The following ADAM32 variants were observed in gnomAD, a reference collection of about 807,000 sequenced individuals.
The protein encoded by ADAM32 is ADAM metallopeptidase domain 32, also known as disintegrin and metalloproteinase domain-containing protein 32.
Under a neutral mutation model 114.9 loss-of-function variants are expected in ADAM32, and 89 were observed. The observed-to-expected ratio is 0.77, with a 90% CI of 0.65 to 0.92. The LOEUF (loss-of-function observed/expected upper bound fraction) is 0.92. Ranked by LOEUF, ADAM32 falls within the 40% of genes least tolerant of loss-of-function variation. The pLI is 0.00. For missense variants in ADAM32, 870 were observed against 932.8 expected (o/e 0.93, Z 0.88); for synonymous variants, 285 against 307.5 (o/e 0.93, Z 0.77).
intron 22 of ADAM32, among the ~76,000 whole-genome samples, chr8:39,277,436 C>G (rs1369256145): frequency 6.6e-6 from 1 of 152,168 alleles, no homozygotes; most frequent in African/African-American, 2.4e-5. Flanking sequence ...TTGGAGTAAC[C>G]TTTAACTGGT....
At chr8:39,120,761 C>CA (rs748561734) in intron 2 of ADAM32, among the ~76,000 whole-genome samples, 34,685 of 99,300 alleles carry the variant, frequency 0.35, 6,395 homozygotes, top group East Asian at 0.62. Flanking sequence ...GACTCCGTCT[C>CA]AAAAAAAAAA....
intron 20 of ADAM32, 46 bp from the exon 21 acceptor site, chr8:39,274,266 G>T: frequency 6.2e-7 from 1 of 1,600,552 alleles, no homozygotes; most frequent in Non-Finnish European, 8.5e-7. Context: ...AAGTTGGCAA[G>T]TTTTCTTAGT....
At chr8:39,168,679 T>G (rs1805005370) in intron 9 of ADAM32, 1 of 152,220 alleles carries the variant, frequency 6.6e-6, no homozygotes, top group African/African-American at 2.4e-5. Flanking sequence ...GCTAGAGTTT[T>G]CTTTAGGATT....
At chr8:39,193,487 A>C (rs1265340246) in intron 11 of ADAM32, among the ~76,000 whole-genome samples, 1 of 152,092 alleles carries the variant, frequency 6.6e-6, no homozygotes, top group African/African-American at 2.4e-5. Flanking sequence ...TATATTCTGA[A>C]TTCTGTTTCT....
chr8:39,144,910 T>C lies in ADAM32; in HGVS notation c.201-2220T>C, dbSNP rs371810503. On this transcript the variant is annotated intron_variant, in intron 3 of 24. Coordinates refer to ENST00000379907, the MANE Select transcript of ADAM32 (RefSeq NM_145004.7). ...GACATGATCTTATATGTAGATTACT[T>C]ATAGAAGACCCTAAAGACTCCACCA... is the stretch of plus-strand genomic sequence containing the variant. 1.1e-4 allele frequency among the ~76,000 whole-genome samples: 17 copies of C among 152,280 alleles called. No individual in the cohort carries two copies. The East Asian group carries it at 2.9e-3, about 26-fold the overall frequency.
chr8:39,164,661 G>C (rs551211626), intron 7 of ADAM32, 103 bp from the exon 8 acceptor site: 1 of 823,942 alleles, frequency 1.2e-6, no homozygotes, highest in South Asian at 2.2e-5. Context: ...TTGAACTGTT[G>C]AAACCCAAAG....
At position 39,107,824 on chromosome 8, in the gene ADAM32, T is replaced by C. The variant is rs969701859; in HGVS notation, c.49T>C (p.Ser17Pro). ...GGCCGGGCTCTGCGGCCTCCTGGCGTCAAGACCCGGTGAGCCAGCCCAGAC... is the reference window on the plus strand; with the variant it reads ...GGCCGGGCTCTGCGGCCTCCTGGCGCCAAGACCCGGTGAGCCAGCCCAGAC... ...LLAGLCGLLASRPGFQNSLLQ... is the reference protein window; with the variant it reads ...LLAGLCGLLAPRPGFQNSLLQ... Residue 17 changes from serine to proline, a missense_variant, in exon 1 of 25, where the codon TCA (serine) becomes CCA (proline). Ser to Pro is a moderately conservative substitution (Grantham distance 74). Coordinates refer to ENST00000379907, the MANE Select transcript of ADAM32 (RefSeq NM_145004.7). 3 of 1,546,518 alleles carry C rather than the reference T, an allele frequency of 1.9e-6. No individual in the cohort carries two copies. The highest frequency in any genetic ancestry group is 2.6e-6 in the Non-Finnish European group (3 of 1,145,032).
intron 15 of ADAM32, among the ~76,000 whole-genome samples, chr8:39,232,555 C>G (rs1254800948): frequency 6.6e-6 from 1 of 152,088 alleles, no homozygotes; most frequent in Admixed American, 6.6e-5. Flanking sequence ...TCTTAGGACC[C>G]TACTATATGC....
chr8:39,257,245 C>G lies in ADAM32; in HGVS notation c.2064C>G (p.Leu688=). The G allele has an allele frequency of 6.2e-7, 1 of 1,612,374 alleles. No homozygotes were observed. The highest frequency in any genetic ancestry group is 8.5e-7 in the Non-Finnish European group (1 of 1,179,172). The change falls in exon 19 of 25, where the codon CTC becomes CTG. Residue 688 remains leucine, a synonymous_variant. Transcript: ENST00000379907. ...KTENTWLLGF[L]IALPILIVTT... is the part of the protein sequence containing the mutation. ...AAAACACCTGGCTTCTAGGTTTCCT[C>G]ATTGCTCTTCCTATTCTCATTGTAA...
intron 11 of ADAM32, among the ~76,000 whole-genome samples, chr8:39,209,833 A>C (rs891537860): frequency 6.6e-6 from 1 of 152,282 alleles, no homozygotes; most frequent in South Asian, 2.1e-4. Context: ...TTCCCCTAGC[A>C]GAAGGAGTTG....
In ADAM32 at chr8:39,223,185, A is replaced by G; in HGVS notation, c.1472A>G (p.Tyr491Cys). Residue 491 changes from tyrosine to cysteine, a missense_variant, in exon 14 of 25, where the codon TAT becomes TGT. Transcript: ENST00000379907. Reference protein sequence around the residue: ...LSCKNNKFICYDGDCHDLDAR... With the variant: ...LSCKNNKFICCDGDCHDLDAR... ...TGCAAAAATAATAAGTTTATTTGTT[A>G]TGACGGAGACTGCCATGATCTCGAT... is the stretch of plus-strand genomic sequence containing the variant. 3 of 1,599,282 alleles carry G rather than the reference A, an allele frequency of 1.9e-6. No individual in the cohort carries two copies. The highest frequency in any genetic ancestry group is 2.6e-6 in the Non-Finnish European group (3 of 1,173,628).
chr8:39,272,353 G>A lies in ADAM32; in HGVS notation c.2201+1439G>A, dbSNP rs114421044. The stretch of plus-strand genomic sequence containing the variant: ...CAGTACACTAATTCAGTCATGAGTC[G>A]CTTAACACAAAGATACATTCTGAGA... On this transcript the variant is annotated intron_variant, in intron 20 of 24. Coordinates refer to ENST00000379907, the MANE Select transcript of ADAM32 (RefSeq NM_145004.7). 5.0e-3 allele frequency among the ~76,000 whole-genome samples: 756 copies of A among 151,926 alleles called. 8 individuals are homozygous for A. The highest frequency in any genetic ancestry group is 0.017 in the African/African-American group (688 of 41,406).
At chr8:39,269,758 C>G (rs1387250187) in intron 19 of ADAM32, among the ~76,000 whole-genome samples, 1 of 152,126 alleles carries the variant, frequency 6.6e-6, no homozygotes, top group Non-Finnish European at 1.5e-5. Context: ...CATGAGAATT[C>G]TGTGTGTGCT....
chr8:39,219,169 C>A (rs1451836873), intron 12 of ADAM32, among the ~76,000 whole-genome samples: 1 of 152,068 alleles, frequency 6.6e-6, no homozygotes, highest in Non-Finnish European at 1.5e-5. Context: ...TCCCTTTTCT[C>A]TCAACCAGAA....
intron 15 of ADAM32, among the ~76,000 whole-genome samples, chr8:39,232,558 C>T (rs911355841): frequency 1.3e-5 from 2 of 152,144 alleles, no homozygotes; most frequent in Admixed American, 6.6e-5. Context: ...TAGGACCCTA[C>T]TATATGCCAG....
chr8:39,262,304 T>C (rs1812086566), intron 19 of ADAM32, among the ~76,000 whole-genome samples: 1 of 152,086 alleles, frequency 6.6e-6, no homozygotes, highest in Admixed American at 6.6e-5. Flanking sequence ...ATGAAGAGAC[T>C]GCCCTTTCTC....
intron 14 of ADAM32, 51 bp from the exon 15 acceptor site, chr8:39,231,976 G>A: frequency 5.1e-6 from 7 of 1,385,752 alleles, no homozygotes; most frequent in Non-Finnish European, 7.1e-6. Context: ...AATGGAGGAA[G>A]ATGAAAAACC....
At chr8:39,130,710 T>C in intron 2 of ADAM32, 1 of 279,094 alleles carries the variant, frequency 3.6e-6, no homozygotes, top group Non-Finnish European at 7.1e-6. Context: ...TCCTAGGTTT[T>C]GTCTCTTGTT....
chr8:39,118,594 A>G (rs1254624196), intron 2 of ADAM32, among the ~76,000 whole-genome samples: 1 of 152,166 alleles, frequency 6.6e-6, no homozygotes, highest in Non-Finnish European at 1.5e-5. Context: ...GAAATACTTT[A>G]TTTTGTTCAT....
Sources: gnomAD v4.1 joint callset for allele counts (sites outside exome capture counted in the v4.1 genomes callset) on GRCh38, gnomAD v4.1.1 for gene constraint, MANE v1.5 for transcripts, NCBI Gene and HGNC (gene_info 2026-07-23, HGNC 2026-07-21) for gene names.